Variants in THSD7B observed in about 807,000 individuals in gnomAD.
THSD7B encodes thrombospondin type-1 domain-containing protein 7B.
In THSD7B, 138 loss-of-function variants were observed where a neutral mutation model predicts 213.6. The observed-to-expected ratio is 0.65, with a 90% CI of 0.56 to 0.74. The LOEUF is 0.74. Ranked by LOEUF, THSD7B falls within the 30% of genes least tolerant of loss-of-function variation. THSD7B has a pLI of 0.00. For missense variants in THSD7B, 1,931 were observed against 1,991.5 expected (o/e 0.97, Z 0.58); for synonymous variants, 742 against 687.0 (o/e 1.08, Z -1.25).
intron 1 of THSD7B, among the ~76,000 whole-genome samples, chr2:136,828,582 G>T (rs1362050659): frequency 1.3e-5 from 2 of 152,208 alleles, no homozygotes; most frequent in East Asian, 3.8e-4. Context: ...GGACCTGTAT[G>T]CCTGGTCTTG....
intron 15 of THSD7B, among the ~76,000 whole-genome samples, chr2:137,516,903 G>A (rs908702002): frequency 3.3e-5 from 5 of 152,090 alleles, no homozygotes; most frequent in African/African-American, 1.2e-4. Flanking sequence ...AAAGATGCAG[G>A]GGTGGTGATT....
At chr2:137,048,558 T>G (rs2104868925) in intron 2 of THSD7B, among the ~76,000 whole-genome samples, 1 of 152,340 alleles carries the variant, frequency 6.6e-6, no homozygotes, top group African/African-American at 2.4e-5. Context: ...TGTGCAGTTT[T>G]TGTCTCAGGC....
At chr2:137,294,146 T>C (rs930570660) in intron 12 of THSD7B, among the ~76,000 whole-genome samples, 6 of 150,970 alleles carry the variant, frequency 4.0e-5, no homozygotes, top group African/African-American at 1.5e-4. Context: ...ATTGGTTAAC[T>C]CGTCTCTCTC....
intron 17 of THSD7B, among the ~76,000 whole-genome samples, chr2:137,601,889 T>C (rs935286195): frequency 6.6e-6 from 1 of 152,224 alleles, no homozygotes; most frequent in African/African-American, 2.4e-5. Context: ...ATCTGTATCC[T>C]TTCAGCTCCA....
chr2:137,486,725 T>C (rs371932517), intron 15 of THSD7B, among the ~76,000 whole-genome samples: 177 of 152,254 alleles, frequency 1.2e-3, no homozygotes, highest in Admixed American at 4.8e-3. Flanking sequence ...TATTCCAAAA[T>C]TGATCACATA....
rs567670067 is a variant in THSD7B at position 137,628,915 on chromosome 2, G to C, written c.3799+8189G>C. On this transcript the variant is annotated intron_variant, in intron 20 of 27. Transcript: ENST00000409968. ...ATCAAATTATGCTGCTTCTCACCTT[G>C]GCACTTTTCCTTACATGGAACCTCT... 6.8e-4 allele frequency among the ~76,000 whole-genome samples: 104 copies of C among 152,146 alleles called. 1 individual carries two copies. The Middle Eastern group carries it at 0.034, about 50-fold the overall frequency.
chr2:137,466,816 C>A (rs1687998352), intron 15 of THSD7B, among the ~76,000 whole-genome samples: 1 of 152,066 alleles, frequency 6.6e-6, no homozygotes, highest in Non-Finnish European at 1.5e-5. Flanking sequence ...GACTCCAGGG[C>A]AGGTTGGCTC....
intron 2 of THSD7B, among the ~76,000 whole-genome samples, chr2:136,916,415 G>C (rs1684349367): frequency 6.6e-6 from 1 of 152,184 alleles, no homozygotes. Flanking sequence ...CAGACGGTTA[G>C]TGTGCATTCA....
At chr2:137,379,926 G>A (rs1009585806) in intron 12 of THSD7B, among the ~76,000 whole-genome samples, 2 of 152,120 alleles carry the variant, frequency 1.3e-5, no homozygotes, top group African/African-American at 2.4e-5. Flanking sequence ...TCTTCCCTGC[G>A]GCCCAAATAA....
intron 5 of THSD7B, among the ~76,000 whole-genome samples, chr2:137,116,404 A>C (rs1027068726): frequency 1.1e-4 from 17 of 152,194 alleles, no homozygotes; most frequent in African/African-American, 4.1e-4. Flanking sequence ...ACTCCTCTGA[A>C]TTTGTAGAAA....
At chr2:137,396,595 AT>A (rs1281958931) in intron 12 of THSD7B, among the ~76,000 whole-genome samples, 2 of 138,054 alleles carry the variant, frequency 1.4e-5, no homozygotes, top group African/African-American at 5.4e-5. Context: ...TATGTGGTCA[AT>A]TTTGGAATAG....
At chr2:137,015,703 C>T (rs999199816) in intron 2 of THSD7B, among the ~76,000 whole-genome samples, 1 of 152,150 alleles carries the variant, frequency 6.6e-6, no homozygotes, top group Non-Finnish European at 1.5e-5. Flanking sequence ...CACTCTCCTG[C>T]ACCGTTACCC....
rs73958363 is a variant in THSD7B, at chr2:137,121,002, G to C, written c.1369+5709G>C. ...AACAAAAGAAACACGAAGTCAGAAA[G>C]AGTCCAAAGTGAGATTGGTTTCTAC... On this transcript the variant is annotated intron_variant, in intron 5 of 27. Coordinates refer to ENST00000409968, the MANE Select transcript of THSD7B (RefSeq NM_001316349.2). Among the ~76,000 whole-genome samples the C allele has an allele frequency of 4.2e-3, 640 of 152,280 alleles. 3 individuals carry two copies. The highest frequency in any genetic ancestry group is 0.015 in the African/African-American group (614 of 41,564).
At chr2:137,284,115 G>A (rs1683108900) in intron 12 of THSD7B, among the ~76,000 whole-genome samples, 1 of 152,018 alleles carries the variant, frequency 6.6e-6, no homozygotes, top group Non-Finnish European at 1.5e-5. Context: ...ACTTCTTCCT[G>A]GTTTAGTCTT....
intron 13 of THSD7B, among the ~76,000 whole-genome samples, chr2:137,410,640 T>C (rs1175620203): frequency 6.6e-6 from 1 of 152,104 alleles, no homozygotes; most frequent in Non-Finnish European, 1.5e-5. Context: ...TCAGCAACTC[T>C]AGAATTGTAT....
intron 15 of THSD7B, among the ~76,000 whole-genome samples, chr2:137,463,372 C>T (rs1687926949): frequency 6.6e-6 from 1 of 151,902 alleles, no homozygotes; most frequent in Non-Finnish European, 1.5e-5. Context: ...ATTTTTATAC[C>T]ATATTTTAAA....
intron 7 of THSD7B, among the ~76,000 whole-genome samples, chr2:137,199,697 T>C (rs1417095618): frequency 1.3e-5 from 2 of 152,154 alleles, no homozygotes; most frequent in Admixed American, 1.3e-4. Flanking sequence ...CATATTGCAT[T>C]TTTGCTTTTG....
Position 137,246,489 on chromosome 2 carries a change from A to G in THSD7B, c.2266+3917A>G, listed in dbSNP as rs1258663790. Among the ~76,000 whole-genome samples, 3 of 152,198 alleles carry G rather than the reference A, an allele frequency of 2.0e-5. No individual in the cohort carries two copies. The East Asian group carries it at 5.8e-4, about 29-fold the overall frequency. On this transcript the variant is annotated intron_variant, in intron 10 of 27. Transcript: ENST00000409968. ...AAGTGCACCAGCAGTGATTTGTGACATAGCAATGGATGAATTCCGTCAGGT... is the reference window on the plus strand; with the variant it reads ...AAGTGCACCAGCAGTGATTTGTGACGTAGCAATGGATGAATTCCGTCAGGT...
intron 4 of THSD7B, among the ~76,000 whole-genome samples, chr2:137,103,856 C>T (rs1688195985): frequency 6.6e-6 from 1 of 152,148 alleles, no homozygotes; most frequent in Non-Finnish European, 1.5e-5. Context: ...TATATATGCA[C>T]TTAACACAGG....
Sources: allele counts gnomAD v4.1 joint callset (sites outside exome capture counted in the v4.1 genomes callset), GRCh38; gene constraint gnomAD v4.1.1; transcripts MANE v1.5; gene names NCBI Gene and HGNC (gene_info 2026-07-23, HGNC 2026-07-21).